The following FNBP1 variants were observed in gnomAD, a reference collection of about 807,000 sequenced individuals.
FNBP1 encodes the protein formin-binding protein 1.
FNBP1 carries 26 observed loss-of-function variants against 90.6 expected under a neutral mutation model. The observed-to-expected ratio is 0.29, with a 90% CI of 0.21 to 0.40. The LOEUF (loss-of-function observed/expected upper bound fraction) is 0.40, where lower values mean the gene tolerates loss of function less well. FNBP1 is among the 10% of genes least tolerant of loss of function. The probability of loss-of-function intolerance (pLI) is 1.00; values close to 1 mark genes in which losing one functional copy is unlikely to be tolerated. For missense variants in FNBP1, 635 were observed against 768.0 expected (o/e 0.83, Z 2.05); for synonymous variants, 260 against 265.2 (o/e 0.98, Z 0.19).
chr9:129,969,132 T>C (rs1408630248), intron 4 of FNBP1, among the ~76,000 whole-genome samples: 2 of 152,240 alleles, frequency 1.3e-5, no homozygotes. Flanking sequence ...TGGAGGAATA[T>C]ATGTGTTATC....
chr9:130,037,312 C>A (rs2059408455), intron 1 of FNBP1, among the ~76,000 whole-genome samples: 1 of 152,026 alleles, frequency 6.6e-6, no homozygotes, highest in South Asian at 2.1e-4. Context: ...TGAGATCGCG[C>A]CACTGCACGC....
At chr9:129,961,959 A>C (rs62583632) in intron 4 of FNBP1, among the ~76,000 whole-genome samples, 8,795 of 152,224 alleles carry the variant, frequency 0.058, 348 homozygotes, top group Middle Eastern at 0.15. Flanking sequence ...TCCCAGGTGC[A>C]TTCTCCACCC....
intron 1 of FNBP1, among the ~76,000 whole-genome samples, chr9:130,009,119 T>G (rs1342880910): frequency 1.3e-5 from 2 of 152,072 alleles, no homozygotes; most frequent in Non-Finnish European, 2.9e-5. Context: ...TACAAAAATA[T>G]TACAGGAAAA....
intron 4 of FNBP1, among the ~76,000 whole-genome samples, chr9:129,975,087 G>C (rs1036999923): frequency 3.3e-5 from 5 of 151,926 alleles, no homozygotes; most frequent in African/African-American, 7.3e-5. Context: ...GGCATGGTAG[G>C]GGGTACCTGT....
intron 1 of FNBP1, among the ~76,000 whole-genome samples, chr9:130,019,090 G>A (rs1043494036): frequency 9.2e-5 from 14 of 151,992 alleles, no homozygotes; most frequent in Non-Finnish European, 1.5e-5. Context: ...AGCCGGGCAT[G>A]GTGGCCTGCA....
At chr9:130,034,185 C>T (rs1417610306) in intron 1 of FNBP1, among the ~76,000 whole-genome samples, 5 of 148,558 alleles carry the variant, frequency 3.4e-5, no homozygotes, top group African/African-American at 1.0e-4. Context: ...GCCGGGCAAA[C>T]GCCTGTACTC....
chr9:129,902,029 G>C (rs1043175335), intron 13 of FNBP1, among the ~76,000 whole-genome samples: 2 of 152,194 alleles, frequency 1.3e-5, no homozygotes, highest in Non-Finnish European at 1.5e-5. Flanking sequence ...AAACGTGGTA[G>C]GGAGAGTGGG....
In FNBP1 at chr9:129,925,133, A is replaced by T; in HGVS notation, c.814T>A (p.Tyr272Asn). The T allele has an allele frequency of 6.2e-7, 1 of 1,613,524 alleles. No homozygotes were observed. Among genetic ancestry groups the T allele is most frequent in the Non-Finnish European group, 8.5e-7 (1 of 1,179,608 alleles). ...KNDSQLVIEA[Y>N]KSGFEPPGDI... is the part of the protein sequence containing the mutation. ...CCAGGAGGCTCAAACCCTGATTTAT[A>T]AGCTTCTATTACCAGCTGTGAATCC... Residue 272 changes from tyrosine to asparagine, a missense_variant, in exon 9 of 17, where the codon TAT (tyrosine) becomes AAT (asparagine). Coordinates refer to ENST00000446176, the MANE Select transcript of FNBP1 (RefSeq NM_015033.3).
At position 129,983,159 on chromosome 9, in the gene FNBP1, G is replaced by A. The variant is rs141729313; in HGVS notation, c.141-3785C>T. Among the ~76,000 whole-genome samples the A allele has an allele frequency of 7.4e-3, 1,127 of 152,134 alleles. 7 individuals are homozygous for A. The highest frequency in any genetic ancestry group is 0.012 in the Non-Finnish European group (841 of 67,984). On this transcript the variant is annotated intron_variant, in intron 2 of 16. Transcript: ENST00000446176. ...TATATCTAGTTGAAGGAAGCCTTAC[G>A]TGACTCTGAATCTATTGATCCAGGT...
chr9:129,939,723 G>A (rs868605208), intron 6 of FNBP1, among the ~76,000 whole-genome samples: 2 of 152,098 alleles, frequency 1.3e-5, no homozygotes, highest in African/African-American at 2.4e-5. Context: ...AACCTCACTG[G>A]GGGGATACTT....
chr9:129,950,361 T>C (rs77116752), intron 6 of FNBP1, among the ~76,000 whole-genome samples: 2 of 152,214 alleles, frequency 1.3e-5, no homozygotes, highest in Admixed American at 1.3e-4. Flanking sequence ...GGCACTTTCA[T>C]AAAAATAGCA....
At position 129,988,352 on chromosome 9, in the gene FNBP1, G is replaced by GATCAAGACC. The variant is rs2052616420; in HGVS notation, c.140+6490_140+6491insGGTCTTGAT. Among the ~76,000 whole-genome samples the GATCAAGACC allele has an allele frequency of 8.6e-5, 13 of 151,516 alleles. 1 individual carries two copies. Among genetic ancestry groups the GATCAAGACC allele is most frequent in the African/African-American group, 2.9e-4 (12 of 40,864 alleles). Reference sequence around the variant, plus strand: ...CCTTGAATAGATAGTGACCTCAGGGGTTGGCAAACTTTTTCTGTAAAGGAC... The same window carrying GATCAAGACC: ...CCTTGAATAGATAGTGACCTCAGGGGATCAAGACCTTGGCAAACTTTTTCTGTAAAGGAC... On this transcript the variant is annotated intron_variant, in intron 2 of 16. Transcript: ENST00000446176.
At position 129,978,557 on chromosome 9, in the gene FNBP1, C is replaced by T; in HGVS notation, c.253G>A (p.Gly85Arg). ...TTCTCGGAGATAACTTCATGCTGCC[C>T]TGCGTAATCATTCATTTCGTTCAGG... ...SNLNEMNDYA[G>R]QHEVISENMA... is the part of the protein sequence containing the mutation. The change falls in exon 4 of 17, where the codon GGG becomes AGG. Residue 85 changes from glycine to arginine, a missense_variant. Physicochemically the swap from Gly to Arg is moderately radical, Grantham distance 125 (BLOSUM62 -2). Transcript: ENST00000446176. 1 of 1,613,786 alleles carries T rather than the reference C, an allele frequency of 6.2e-7. No individual in the cohort carries two copies. Among genetic ancestry groups the T allele is most frequent in the Non-Finnish European group, 8.5e-7 (1 of 1,179,810 alleles).
At chr9:130,002,117 CTGCGGAGGT>C (rs1372410958) in intron 1 of FNBP1, among the ~76,000 whole-genome samples, 1 of 149,548 alleles carries the variant, frequency 6.7e-6, no homozygotes, top group African/African-American at 2.5e-5. Flanking sequence ...TCGCTTGAAC[CTGCGGAGGT>C]TGCAGTGAGC....
intron 12 of FNBP1, 96 bp downstream of exon 12, chr9:129,908,794 C>G: frequency 1.4e-6 from 1 of 732,032 alleles, no homozygotes; most frequent in Non-Finnish European, 2.4e-6. Context: ...CTCAGGTGAT[C>G]CACCCACCGC....
At chr9:129,928,498 A>C (rs1226382044) in intron 7 of FNBP1, among the ~76,000 whole-genome samples, 2 of 152,048 alleles carry the variant, frequency 1.3e-5, no homozygotes, top group Non-Finnish European at 2.9e-5. Context: ...GTCTCTACTA[A>C]AAATACAAAA....
At chr9:129,930,460 T>C (rs781367142) in intron 6 of FNBP1, among the ~76,000 whole-genome samples, 6 of 152,214 alleles carry the variant, frequency 3.9e-5, no homozygotes, top group Non-Finnish European at 8.8e-5. Context: ...TAAAGCTCTC[T>C]AGCATGTTTA....
intron 11 of FNBP1, among the ~76,000 whole-genome samples, chr9:129,911,562 C>T (rs940440807): frequency 6.6e-6 from 1 of 152,178 alleles, no homozygotes; most frequent in African/African-American, 2.4e-5. Context: ...GGCATGGATG[C>T]TCTGTGCCCC....
intron 6 of FNBP1, among the ~76,000 whole-genome samples, chr9:129,949,964 T>C (rs1020852577): frequency 6.6e-6 from 1 of 152,192 alleles, no homozygotes; most frequent in Non-Finnish European, 1.5e-5. Flanking sequence ...TTCCCAGTGC[T>C]GTGTGGCTGG....
Sources: gnomAD v4.1 joint callset for allele counts (sites outside exome capture counted in the v4.1 genomes callset) on GRCh38, gnomAD v4.1.1 for gene constraint, MANE v1.5 for transcripts, NCBI Gene and HGNC (gene_info 2026-07-23, HGNC 2026-07-21) for gene names.